PRIM2: variants seen among roughly 807,000 people sequenced by gnomAD.
PRIM2 encodes DNA primase large subunit.
PRIM2 carries 39 observed loss-of-function variants against 67.3 expected under a neutral mutation model. The observed-to-expected ratio is 0.58, with a 90% CI of 0.45 to 0.76. The LOEUF is 0.76. Among genes scored for constraint, PRIM2 ranks in the 30% least tolerant of loss-of-function variants. The pLI, the probability that PRIM2 is intolerant of heterozygous loss-of-function variation, is 0.00. For synonymous variants in PRIM2, 143 were observed against 198.7 expected (o/e 0.72, Z 2.36); for missense variants, 398 against 598.7 (o/e 0.66, Z 3.50).
At chr6:57,377,708 A>AT (rs67497736) in intron 5 of PRIM2, among the ~76,000 whole-genome samples, 1 of 151,604 alleles carries the variant, frequency 6.6e-6, no homozygotes, top group Non-Finnish European at 1.5e-5. Flanking sequence ...CTGTGCCTAA[A>AT]TTTTTTTTGT....
chr6:57,390,670 G>T lies in PRIM2; in HGVS notation c.693+8502G>T, dbSNP rs985189888. 2.6e-4 allele frequency among the ~76,000 whole-genome samples: 40 copies of T among 152,140 alleles called. 1 individual carries two copies. Among genetic ancestry groups the T allele is most frequent in the Admixed American group, 1.2e-3 (18 of 15,264 alleles). On this transcript the variant is annotated intron_variant, in intron 7 of 13. Transcript: ENST00000615550. The stretch of plus-strand genomic sequence containing the variant: ...TTTCTATTCTTGGGTTAGTTTGCTA[G>T]TTAGTAGCCTCAGGCTCCATCCATG...
intron 7 of PRIM2, among the ~76,000 whole-genome samples, chr6:57,487,834 T>C (rs1183927628): frequency 1.3e-5 from 2 of 152,216 alleles, no homozygotes; most frequent in African/African-American, 4.8e-5. Context: ...GTGGGAGTTT[T>C]AGTAGTGTTT....
chr6:57,431,338 A>G (rs1252413424), intron 7 of PRIM2, among the ~76,000 whole-genome samples: 1 of 151,982 alleles, frequency 6.6e-6, no homozygotes, highest in African/African-American at 2.4e-5. Context: ...TTCTGATTTC[A>G]GTGTCCTGAC....
chr6:57,296,591 G>A, the PRIM2 span, among the ~76,000 whole-genome samples: 1 of 151,750 alleles, frequency 6.6e-6, no homozygotes, highest in Non-Finnish European at 1.5e-5. Flanking sequence ...GCGGGGTTTG[G>A]TGGTGGTGGT....
intron 7 of PRIM2, among the ~76,000 whole-genome samples, chr6:57,453,595 G>A (rs201818653): frequency 1.3e-5 from 2 of 152,042 alleles, no homozygotes; most frequent in Non-Finnish European, 1.5e-5. Context: ...TTTGTCTGTT[G>A]TTGGTGTATA....
chr6:57,477,852 G>T (rs1423222950), intron 7 of PRIM2, among the ~76,000 whole-genome samples: 2 of 152,110 alleles, frequency 1.3e-5, no homozygotes, highest in South Asian at 2.1e-4. Context: ...TTTTTAAAAA[G>T]TATTATAACC....
intron 10 of PRIM2, among the ~76,000 whole-genome samples, chr6:57,551,426 G>A (rs1467936165): frequency 7.2e-5 from 11 of 152,200 alleles, no homozygotes; most frequent in Non-Finnish European, 1.6e-4. Context: ...CAAAAACTCA[G>A]ATTTAAAAAA....
chr6:57,338,928 G>A (rs1768370625), intron 5 of PRIM2, among the ~76,000 whole-genome samples: 1 of 152,188 alleles, frequency 6.6e-6, no homozygotes, highest in Non-Finnish European at 1.5e-5. Context: ...CCTGTTTGCA[G>A]ATGACATGAT....
At chr6:57,435,769 C>G (rs567704289) in intron 7 of PRIM2, among the ~76,000 whole-genome samples, 28 of 152,302 alleles carry the variant, frequency 1.8e-4, no homozygotes, top group African/African-American at 6.7e-4. Flanking sequence ...TAAAGTGGTA[C>G]AAACAGATTT....
At chr6:57,481,056 A>T (rs1396009128) in intron 7 of PRIM2, among the ~76,000 whole-genome samples, 4 of 152,318 alleles carry the variant, frequency 2.6e-5, no homozygotes, top group Admixed American at 2.6e-4. Flanking sequence ...GGTCCTTCTC[A>T]CTTCACTCAG....
chr6:57,438,860 C>T (rs1772099957), intron 7 of PRIM2, among the ~76,000 whole-genome samples: 2 of 150,720 alleles, frequency 1.3e-5, no homozygotes, highest in Admixed American at 6.6e-5. Context: ...GCAACCTCCG[C>T]CTCTGGGGTT....
intron 7 of PRIM2, among the ~76,000 whole-genome samples, chr6:57,466,212 A>G (rs1485961163): frequency 1.3e-5 from 2 of 152,186 alleles, no homozygotes; most frequent in Admixed American, 6.5e-5. Flanking sequence ...TTCTTTATCA[A>G]GTCTATCATT....
intron 12 of PRIM2, among the ~76,000 whole-genome samples, chr6:57,626,813 A>G (rs1776956572): frequency 6.6e-6 from 1 of 151,820 alleles, no homozygotes; most frequent in Admixed American, 6.6e-5. Context: ...TTTATTAGAG[A>G]CAGGGTTTCT....
At chr6:57,520,818 C>T (rs1482189221) in intron 8 of PRIM2, among the ~76,000 whole-genome samples, 4 of 152,082 alleles carry the variant, frequency 2.6e-5, no homozygotes, top group Middle Eastern at 3.4e-3. Context: ...AAATATGGGC[C>T]ACATGGGGAA....
intron 7 of PRIM2, among the ~76,000 whole-genome samples, chr6:57,455,203 C>T (rs1481202528): frequency 6.6e-6 from 1 of 152,116 alleles, no homozygotes; most frequent in Non-Finnish European, 1.5e-5. Flanking sequence ...GCTTTACTTC[C>T]AACTATGTGG....
At chr6:57,541,982 T>G (rs2127471849) in intron 10 of PRIM2, among the ~76,000 whole-genome samples, 1 of 147,348 alleles carries the variant, frequency 6.8e-6, no homozygotes, top group Non-Finnish European at 1.5e-5. Context: ...GGTTTTTTTT[T>G]TTTTTTTTTT....
intron 3 of PRIM2, among the ~76,000 whole-genome samples, chr6:57,321,458 G>C (rs1186527877): frequency 6.6e-6 from 1 of 152,132 alleles, no homozygotes. Flanking sequence ...GAGTAGGTAA[G>C]AGCACCCTAG....
At chr6:57,288,450 C>T in the PRIM2 span, among the ~76,000 whole-genome samples, 17 of 152,252 alleles carry the variant, frequency 1.1e-4, no homozygotes, top group African/African-American at 4.1e-4. Context: ...GTAGTTCTCC[C>T]GGCACAGCGT....
At chr6:57,334,516 A>T (rs1172050321) in intron 5 of PRIM2, among the ~76,000 whole-genome samples, 2 of 152,156 alleles carry the variant, frequency 1.3e-5, no homozygotes, top group African/African-American at 2.4e-5. Context: ...AAAATAAAAA[A>T]TAGCTGGGTG....
Sources: allele counts gnomAD v4.1 joint callset (sites outside exome capture counted in the v4.1 genomes callset), GRCh38; gene constraint gnomAD v4.1.1; transcripts MANE v1.5; gene names NCBI Gene and HGNC (gene_info 2026-07-23, HGNC 2026-07-21).